PIF1: variants seen among roughly 807,000 people sequenced by gnomAD.
PIF1 encodes the protein PIF1 5'-to-3' DNA helicase.
A neutral mutation model predicts 62.3 loss-of-function variants in PIF1; 67 were observed. That is an observed-to-expected ratio of 1.08 (90% CI 0.88 to 1.32). PIF1 has a LOEUF of 1.32. PIF1 is among the 40% of genes most tolerant of loss of function. The probability of loss-of-function intolerance (pLI) is 0.00; values close to 1 mark genes in which losing one functional copy is unlikely to be tolerated. For synonymous variants in PIF1, 364 were observed against 379.5 expected (o/e 0.96, Z 0.47); for missense variants, 886 against 866.1 (o/e 1.02, Z -0.29).
At position 64,816,891 on chromosome 15, in the gene PIF1, CAG is replaced by C. The variant is rs2084194464; in HGVS notation, c.1675-128_1675-127del. ...TCGTCCAGTCCAGAGAGTCTCTAGA[CAG>C]AGGGAGAGCATGACAGCAGGTGGCT... On this transcript the variant is annotated intron_variant, in intron 11 of 12. Transcript: ENST00000559239. The C allele has an allele frequency of 4.6e-6, 4 of 864,156 alleles. No individual in the cohort carries two copies. The South Asian group carries it at 8.8e-5, about 19-fold the overall frequency. 53.5% of individuals were successfully genotyped at this position (864,156 alleles called of 1,614,324 possible).
chr15:64,822,514 G>C lies in PIF1; in HGVS notation c.655C>G (p.Leu219Val), dbSNP rs757989843. ...EEQAAVLRAV[L>V]KGQSIFFTGS... ...GTGAAGAAGATGCTCTGGCCTTTCA[G>C]GACGGCCCTCAGCACAGCAGCCTGT... The change falls in exon 3 of 13, where the codon CTG becomes GTG. Residue 219 changes from leucine (L) to valine (V), a missense_variant. Leu to Val is a conservative substitution (Grantham distance 32). Transcript: ENST00000559239. 2 of 1,613,902 alleles carry C rather than the reference G, an allele frequency of 1.2e-6. No homozygotes were observed. The highest frequency in any genetic ancestry group is 1.7e-6 in the Non-Finnish European group (2 of 1,180,004).
At chr15:64,816,441 T>G in intron 12 of PIF1, 84 bp from the exon 13 acceptor site, 2 of 1,603,178 alleles carry the variant, frequency 1.2e-6, no homozygotes. Flanking sequence ...TCTTTCCTTT[T>G]GCCCTCACCC....
intron 1 of PIF1, among the ~76,000 whole-genome samples, chr15:64,825,274 C>T (rs961544806): frequency 8.5e-5 from 13 of 152,220 alleles, no homozygotes; most frequent in Admixed American, 7.9e-4. Context: ...GGTACATTCA[C>T]TGGCTTATAT....
intron 12 of PIF1, 95 bp from the exon 13 acceptor site, chr15:64,816,452 C>G (rs1042534567): frequency 6.3e-7 from 1 of 1,599,924 alleles, no homozygotes; most frequent in Non-Finnish European, 8.5e-7. Flanking sequence ...GCCCTCACCC[C>G]TAAAGGAGCC....
In PIF1 at chr15:64,823,961, A is replaced by AG; in HGVS notation, c.374dup (p.Ala126CysfsTer60). ...AGGCCGGCCCGGGACCCGGGGCCGC[A>AG]GCCAGCTTGAGGCGCAATGTGCGCA... On this transcript the variant is annotated frameshift_variant, in exon 2 of 13. Transcript: ENST00000559239. LOFTEE classifies it high-confidence loss of function. The AG allele has an allele frequency of 1.5e-6, 2 of 1,303,518 alleles. No individual in the cohort carries two copies. Among genetic ancestry groups the AG allele is most frequent in the Non-Finnish European group, 2.0e-6 (2 of 1,024,740 alleles). 80.7% of individuals were successfully genotyped at this position (1,303,518 alleles called of 1,614,324 possible).
In PIF1 at chr15:64,821,286, A is replaced by C; in HGVS notation, c.972-5T>G. On this transcript the variant is annotated splice_region_variant and splice_polypyrimidine_tract_variant and intron_variant, in intron 5 of 12. Coordinates refer to ENST00000559239, the MANE Select transcript of PIF1 (RefSeq NM_001286496.2). ...TTGTTCTGCTGCCGGACAGCTCTGG[A>C]GAGGAGCGTGGGGTGCTTTAGGGGC... 6.2e-7 allele frequency: 1 copy of C among 1,614,178 alleles called. No homozygotes were observed. Among genetic ancestry groups the C allele is most frequent in the Non-Finnish European group, 8.5e-7 (1 of 1,179,988 alleles).
chr15:64,818,208 C>T (rs371067268), intron 10 of PIF1, 49 bp downstream of exon 10: 196 of 1,609,268 alleles, frequency 1.2e-4, no homozygotes, highest in Non-Finnish European at 1.5e-4. Flanking sequence ...TTCCCGGGGC[C>T]ATGCTGCAAA....
At position 64,824,127 on chromosome 15, in the gene PIF1, G is replaced by A. The variant is rs1441228561; in HGVS notation, c.209C>T (p.Pro70Leu). ...CGTGAAGAGGCGCGCGGCGCGCAGA[G>A]GAAAGCAGCGCGGCCGCCCCGCGGG... Reference protein sequence around the residue: ...PGPAGRPRCFPLRAARLFTRF... With the variant: ...PGPAGRPRCFLLRAARLFTRF... The change falls in exon 2 of 13, where the codon CCT (proline) becomes CTT (leucine). Residue 70 changes from proline to leucine, a missense_variant. Transcript: ENST00000559239. 7.8e-7 allele frequency: 1 copy of A among 1,284,880 alleles called. No individual in the cohort carries two copies. The highest frequency in any genetic ancestry group is 3.2e-5 in the East Asian group (1 of 31,616). The allele number at this position is 1,284,880 out of a possible 1,614,324, so 79.6% of individuals were successfully genotyped here.
Position 64,816,698 on chromosome 15 carries a change from G to A in PIF1, c.1742C>T (p.Ala581Val). 6.2e-7 allele frequency: 1 copy of A among 1,613,422 alleles called. No homozygotes were observed. The highest frequency in any genetic ancestry group is 8.5e-7 in the Non-Finnish European group (1 of 1,179,864). The change falls in exon 12 of 13, where the codon GCC becomes GTC. Residue 581 changes from alanine (A) to valine (V), a missense_variant. Transcript: ENST00000559239. ...RVFASGQAYV[A>V]LSRARSLQGL... ...CTGCAGGCTGCGGGCCCGAGAAAGG[G>A]CCACATAGGCCTGGCCACTGGCAAA...
intron 2 of PIF1, chr15:64,823,514 G>T: frequency 3.2e-6 from 1 of 314,988 alleles, no homozygotes; most frequent in Non-Finnish European, 5.8e-6. Flanking sequence ...CAAAGTGCTG[G>T]GATTACAGGC....
chr15:64,826,665 T>TATATACACACAC (rs796684934), upstream of PIF1, among the ~76,000 whole-genome samples: 156 of 42,716 alleles, frequency 3.7e-3, 1 homozygote, highest in Admixed American at 5.5e-3. Flanking sequence ...TATATATATA[T>TATATACACACAC]ACACACACAC....
In PIF1 at chr15:64,819,068, A is replaced by C. The variant is rs767888409; in HGVS notation, c.1440+49T>G. On this transcript the variant is annotated intron_variant, in intron 9 of 12. Transcript: ENST00000559239. ...AGAGGGGTAGGGATCAGCAAGGCCC[A>C]TGCGGGACAGCCCAAGCTCCCAGGG... 33 of 1,431,710 alleles carry C rather than the reference A, an allele frequency of 2.3e-5. No individual in the cohort carries two copies. In the African/African-American group the frequency reaches 4.4e-4, roughly 19 times the overall value. The allele number at this position is 1,431,710 out of a possible 1,614,324, so 88.7% of individuals were successfully genotyped here.
At chr15:64,820,031 G>T in intron 7 of PIF1, 45 bp from the exon 8 acceptor site, 2 of 1,590,766 alleles carry the variant, frequency 1.3e-6, no homozygotes, top group South Asian at 1.1e-5. Flanking sequence ...TGTGCAGCAG[G>T]GGAGGTGGGG....
At chr15:64,818,825 T>G (rs1015539260) in intron 9 of PIF1, 5 of 357,108 alleles carry the variant, frequency 1.4e-5, no homozygotes, top group Admixed American at 4.5e-5. Flanking sequence ...AAGACAGCTG[T>G]GTGGGGTAGG....
intron 7 of PIF1, among the ~76,000 whole-genome samples, chr15:64,820,304 G>C (rs1036033395): frequency 2.6e-5 from 4 of 152,220 alleles, no homozygotes; most frequent in Non-Finnish European, 5.9e-5. Context: ...AGTGAGCACA[G>C]GCTGGAGATT....
At chr15:64,824,378 G>A (rs2084338176) in intron 1 of PIF1, 24 bp from the exon 2 acceptor site, 11 of 1,235,164 alleles carry the variant, frequency 8.9e-6, no homozygotes, top group Non-Finnish European at 1.0e-5. Context: ...GGAGCACAGG[G>A]GTCATGAGGA....
In PIF1 at chr15:64,815,961, A is replaced by T; in HGVS notation, c.*337T>A. 1.3e-6 allele frequency: 2 copies of T among 1,547,116 alleles called. No individual in the cohort carries two copies. Among genetic ancestry groups the T allele is most frequent in the Non-Finnish European group, 1.7e-6 (2 of 1,145,188 alleles). On this transcript the variant is annotated 3_prime_UTR_variant, in exon 13 of 13. Transcript: ENST00000559239. Reference sequence around the variant, plus strand: ...TCCCTTCTGCAGCCTGAAAGGAGGGATGTTCAGGACTCTGCAGCTCTGTGT... The same window carrying T: ...TCCCTTCTGCAGCCTGAAAGGAGGGTTGTTCAGGACTCTGCAGCTCTGTGT...
At position 64,816,556 on chromosome 15, in the gene PIF1, T is replaced by G. The variant is rs772875585; in HGVS notation, c.1866+18A>C. 6.2e-7 allele frequency: 1 copy of G among 1,611,974 alleles called. No homozygotes were observed. Among genetic ancestry groups the G allele is most frequent in the South Asian group, 1.1e-5 (1 of 90,976 alleles). On this transcript the variant is annotated intron_variant, in intron 12 of 12. Coordinates refer to ENST00000559239, the MANE Select transcript of PIF1 (RefSeq NM_001286496.2). ...CCTGCCCGTGGCCACAGCCCACCAC[T>G]GGATGACTCCCTCTTACCAGACTGA... is the stretch of plus-strand genomic sequence containing the variant.
chr15:64,815,824 G>C lies in PIF1; in HGVS notation c.*474C>G, dbSNP rs1426728394. The stretch of plus-strand genomic sequence containing the variant: ...CTGGGCTAGGCTGGGCCTAGCTGTA[G>C]AGACACACCTAAGTTCCGTTCTCTG... On this transcript the variant is annotated 3_prime_UTR_variant, in exon 13 of 13. Coordinates refer to ENST00000559239, the MANE Select transcript of PIF1 (RefSeq NM_001286496.2). 6.4e-7 allele frequency: 1 copy of C among 1,550,646 alleles called. No individual in the cohort carries two copies. Among genetic ancestry groups the C allele is most frequent in the South Asian group, 1.2e-5 (1 of 84,064 alleles).
Sources: gnomAD v4.1 joint callset for allele counts (sites outside exome capture counted in the v4.1 genomes callset) on GRCh38, gnomAD v4.1.1 for gene constraint, MANE v1.5 for transcripts, NCBI Gene and HGNC (gene_info 2026-07-23, HGNC 2026-07-21) for gene names.